The following TMEM178B variants were observed in gnomAD, a reference collection of about 807,000 sequenced individuals.
TMEM178B encodes the protein transmembrane protein 178B.
Under a neutral mutation model 31.0 loss-of-function variants are expected in TMEM178B, and 5 were observed. The observed-to-expected ratio is 0.16, with a 90% CI of 0.08 to 0.34. The LOEUF (loss-of-function observed/expected upper bound fraction) is 0.34, where lower values mean the gene tolerates loss of function less well. TMEM178B is among the 10% of genes least tolerant of loss of function. The pLI is 1.00. For synonymous variants in TMEM178B, 164 were observed against 164.0 expected, an observed-to-expected ratio of 1.00 and a Z score of 0.00; for missense variants, 275 against 400.3, an observed-to-expected ratio of 0.69 and a Z score of 2.67.
intron 1 of TMEM178B, among the ~76,000 whole-genome samples, chr7:141,147,878 A>C (rs1013155733): frequency 3.3e-5 from 5 of 152,210 alleles, no homozygotes; most frequent in Non-Finnish European, 5.9e-5. Flanking sequence ...ATGGCAATTG[A>C]AGCTAGGGAT....
At chr7:141,343,525 CTT>C (rs11442055) in intron 2 of TMEM178B, among the ~76,000 whole-genome samples, 2,719 of 86,826 alleles carry the variant, frequency 0.031, 22 homozygotes, top group African/African-American at 0.089. Context: ...ATGGGAGCAC[CTT>C]TTTTTTTTTT....
intron 2 of TMEM178B, among the ~76,000 whole-genome samples, chr7:141,426,493 A>G (rs548194137): frequency 1.2e-4 from 18 of 152,186 alleles, no homozygotes; most frequent in Non-Finnish European, 1.8e-4. Context: ...TTTACTTTTT[A>G]GGGAACTCTG....
intron 2 of TMEM178B, among the ~76,000 whole-genome samples, chr7:141,270,071 A>G (rs537027770): frequency 8.5e-5 from 13 of 152,324 alleles, no homozygotes; most frequent in African/African-American, 3.1e-4. Context: ...TCTCAAAAAA[A>G]CAAACAAACA....
chr7:141,106,292 CT>C (rs1778704020), intron 1 of TMEM178B, among the ~76,000 whole-genome samples: 1 of 152,068 alleles, frequency 6.6e-6, no homozygotes, highest in African/African-American at 2.4e-5. Flanking sequence ...ACATGGCACT[CT>C]TTTTCTAGCT....
At chr7:141,075,651 A>C (rs543240481) in intron 1 of TMEM178B, among the ~76,000 whole-genome samples, 32 of 152,340 alleles carry the variant, frequency 2.1e-4, no homozygotes, top group African/African-American at 7.7e-4. Flanking sequence ...GTTCTCTTCT[A>C]TGGTAGCTAC....
intron 1 of TMEM178B, among the ~76,000 whole-genome samples, chr7:141,192,388 C>CA (rs1490884570): frequency 1.3e-5 from 2 of 151,868 alleles, no homozygotes; most frequent in Non-Finnish European, 2.9e-5. Context: ...GTGGCTGGTC[C>CA]AGCAGAAAAA....
rs540141113 is a variant in TMEM178B, at chr7:141,280,070, A to T, written c.496+67366A>T. ...GCCTTCCTGGGCTCATCCTCTAGAA[A>T]AAGGAAATAAAGAGAGGTGCCGTTC... On this transcript the variant is annotated intron_variant, in intron 2 of 3. Coordinates refer to ENST00000565468, the MANE Select transcript of TMEM178B (RefSeq NM_001195278.2). Among the ~76,000 whole-genome samples, 4 of 152,336 alleles carry T rather than the reference A, an allele frequency of 2.6e-5. No homozygotes were observed. In the South Asian group the frequency reaches 8.3e-4, roughly 32 times the overall value.
intron 2 of TMEM178B, among the ~76,000 whole-genome samples, chr7:141,338,175 CTG>C (rs1040713743): frequency 6.6e-6 from 1 of 152,012 alleles, no homozygotes; most frequent in African/African-American, 2.4e-5. Flanking sequence ...TTTTGAAAAT[CTG>C]TGATAGAAAT....
intron 2 of TMEM178B, among the ~76,000 whole-genome samples, chr7:141,289,490 C>A (rs1798506386): frequency 1.3e-5 from 2 of 151,886 alleles, no homozygotes; most frequent in African/African-American, 4.8e-5. Flanking sequence ...CCGAGGCAGG[C>A]AGATCACATG....
At chr7:141,125,056 G>A (rs1285816292) in intron 1 of TMEM178B, among the ~76,000 whole-genome samples, 2 of 152,152 alleles carry the variant, frequency 1.3e-5, no homozygotes, top group Non-Finnish European at 2.9e-5. Context: ...CCCTATTGGG[G>A]TGTTAATTAA....
intron 1 of TMEM178B, among the ~76,000 whole-genome samples, chr7:141,188,804 G>C (rs1796652397): frequency 6.6e-6 from 1 of 152,212 alleles, no homozygotes; most frequent in African/African-American, 2.4e-5. Context: ...GCAAAGTCTG[G>C]GATGCACTGC....
chr7:141,084,212 G>A (rs1338076830), intron 1 of TMEM178B, among the ~76,000 whole-genome samples: 2 of 152,212 alleles, frequency 1.3e-5, no homozygotes, highest in African/African-American at 4.8e-5. Context: ...AGGGCTTACA[G>A]CTAAACATTT....
At chr7:141,439,366 G>A (rs1193343257) in intron 3 of TMEM178B, among the ~76,000 whole-genome samples, 1 of 152,026 alleles carries the variant, frequency 6.6e-6, no homozygotes, top group East Asian at 1.9e-4. Flanking sequence ...TGAGGGGGAC[G>A]TGATGGCTCT....
intron 1 of TMEM178B, among the ~76,000 whole-genome samples, chr7:141,138,980 T>C (rs936111893): frequency 4.6e-5 from 7 of 150,878 alleles, no homozygotes; most frequent in African/African-American, 1.5e-4. Flanking sequence ...TGAGACTCCA[T>C]GTCAAAAAAA....
At chr7:141,226,014 G>T (rs770864024) in intron 2 of TMEM178B, among the ~76,000 whole-genome samples, 2 of 152,142 alleles carry the variant, frequency 1.3e-5, no homozygotes, top group Non-Finnish European at 2.9e-5. Context: ...GGTGTGTGTG[G>T]TGTGTGTCAG....
intron 1 of TMEM178B, among the ~76,000 whole-genome samples, chr7:141,163,113 GT>G (rs1247298246): frequency 3.3e-5 from 5 of 152,218 alleles, no homozygotes; most frequent in Non-Finnish European, 7.3e-5. Context: ...CTGCTGTATG[GT>G]TCTGCTTCTT....
downstream of TMEM178B, among the ~76,000 whole-genome samples, chr7:141,480,707 G>A (rs994223798): frequency 2.0e-5 from 3 of 152,224 alleles, no homozygotes; most frequent in Admixed American, 1.3e-4. Flanking sequence ...ATGCTGGAAT[G>A]ACTAATTACA....
chr7:141,367,570 A>G (rs1302350124), intron 2 of TMEM178B, among the ~76,000 whole-genome samples: 1 of 152,108 alleles, frequency 6.6e-6, no homozygotes, highest in Non-Finnish European at 1.5e-5. Flanking sequence ...CCAGCTGACA[A>G]TTACCCTTTG....
intron 2 of TMEM178B, chr7:141,431,097 A>G (rs1411481756): frequency 6.6e-6 from 1 of 151,678 alleles, no homozygotes; most frequent in Non-Finnish European, 1.5e-5. Flanking sequence ...AGCGGTATTG[A>G]TGTGCTTCTT....
Sources: gnomAD v4.1 joint callset for allele counts (sites outside exome capture counted in the v4.1 genomes callset) on GRCh38, gnomAD v4.1.1 for gene constraint, MANE v1.5 for transcripts, NCBI Gene and HGNC (gene_info 2026-07-23, HGNC 2026-07-21) for gene names.